Variants in HPGD observed in about 807,000 individuals in gnomAD.
The protein encoded by HPGD is 15-hydroxyprostaglandin dehydrogenase [NAD(+)].
HPGD carries 29 observed loss-of-function variants against 30.0 expected under a neutral mutation model. The observed-to-expected ratio is 0.97, with a 90% CI of 0.72 to 1.32. The LOEUF (loss-of-function observed/expected upper bound fraction) is 1.32. Ranked by LOEUF, HPGD falls within the 40% of genes most tolerant of loss-of-function variation. The pLI, the probability that HPGD is intolerant of heterozygous loss-of-function variation, is 0.00. For missense variants in HPGD, 340 were observed against 322.1 expected (o/e 1.06, Z -0.43); for synonymous variants, 99 against 112.4 (o/e 0.88, Z 0.75).
At chr4:174,522,557 C>G (rs1005244591), upstream of HPGD, 117 of 746,460 alleles carry the variant, frequency 1.6e-4, no homozygotes, top group East Asian at 3.5e-3. Flanking sequence ...GCGGGGCGCT[C>G]CCCTGCCAGT....
intron 2 of HPGD, among the ~76,000 whole-genome samples, chr4:174,518,342 C>T (rs935566671): frequency 6.6e-6 from 1 of 152,128 alleles, no homozygotes; most frequent in Non-Finnish European, 1.5e-5. Context: ...CATATTCTTA[C>T]ATGATTTGTA....
intron 3 of HPGD, among the ~76,000 whole-genome samples, chr4:174,511,024 C>T (rs550910713): frequency 6.6e-6 from 1 of 152,256 alleles, no homozygotes; most frequent in Non-Finnish European, 1.5e-5. Context: ...TGGATATTCA[C>T]ATAAACTATG....
Position 174,521,984 on chromosome 4 carries a change from C to G in HPGD, c.177G>C (p.Leu59=). 6.2e-7 allele frequency: 1 copy of G among 1,614,128 alleles called. No individual in the cohort carries two copies. Among genetic ancestry groups the G allele is most frequent in the Non-Finnish European group, 8.5e-7 (1 of 1,179,972 alleles). Reference sequence around the variant, plus strand: ...GGTCAGCCACATCGCACTGGATGAACAGAGTCTTCTGAGGTTCAAACTGCT... The same window carrying G: ...GGTCAGCCACATCGCACTGGATGAAGAGAGTCTTCTGAGGTTCAAACTGCT... ...LDEQFEPQKT[L]FIQCDVADQQ... The change falls in exon 2 of 7, where the codon CTG becomes CTC. Residue 59 remains leucine, a synonymous_variant. Transcript: ENST00000296522.
chr4:174,502,776 AG>A (rs1296874558), intron 4 of HPGD, among the ~76,000 whole-genome samples: 3 of 151,784 alleles, frequency 2.0e-5, no homozygotes, highest in Non-Finnish European at 4.4e-5. Flanking sequence ...AGCAATTTCT[AG>A]TGACTCAGAC....
At chr4:174,522,205 G>C in intron 1 of HPGD, 138 bp from the exon 2 acceptor site, 1 of 1,444,178 alleles carries the variant, frequency 6.9e-7, no homozygotes, top group South Asian at 1.2e-5. Context: ...CACTTCTGAG[G>C]TGTGCTCACA....
chr4:174,512,691 AAGTAAT>A (rs1735569121), intron 3 of HPGD, among the ~76,000 whole-genome samples: 2 of 152,212 alleles, frequency 1.3e-5, no homozygotes, highest in African/African-American at 4.8e-5. Context: ...ACATATTTTT[AAGTAAT>A]ACATTGGTAA....
Position 174,492,051 on chromosome 4 carries a change from C to T in HPGD, c.706G>A (p.Asp236Asn). Residue 236 changes from aspartate (D) to asparagine (N), a missense_variant, in exon 7 of 7, where the codon GAT becomes AAT. Coordinates refer to ENST00000296522, the MANE Select transcript of HPGD (RefSeq NM_000860.6). This position sits in a 1 kb window ranked among gnomAD's most constrained non-coding sequence, Gnocchi z 4.9. ...TTCATAATAGCACCATTTAAAGCAT[C>T]ATCTTCAATGAGTGTTATCAATCCA... ...ANGLITLIEDDALNGAIMKIT... is the reference protein window; with the variant it reads ...ANGLITLIEDNALNGAIMKIT... 2.5e-6 allele frequency: 4 copies of T among 1,609,470 alleles called. No homozygotes were observed. The highest frequency in any genetic ancestry group is 3.4e-6 in the Non-Finnish European group (4 of 1,176,192).
intron 3 of HPGD, among the ~76,000 whole-genome samples, chr4:174,510,759 T>A (rs1735445417): frequency 6.6e-6 from 1 of 152,202 alleles, no homozygotes; most frequent in Non-Finnish European, 1.5e-5. Flanking sequence ...TTTTCACTTT[T>A]CCTCCTTTAC....
chr4:174,503,771 G>A (rs1250098429), intron 4 of HPGD, among the ~76,000 whole-genome samples: 1 of 151,052 alleles, frequency 6.6e-6, no homozygotes, highest in African/African-American at 2.4e-5. Flanking sequence ...TGCCCAGGCT[G>A]GAGTGCAGTA....
intron 3 of HPGD, among the ~76,000 whole-genome samples, chr4:174,513,942 A>G (rs1735643247): frequency 6.6e-6 from 1 of 152,090 alleles, no homozygotes; most frequent in East Asian, 1.9e-4. Context: ...CAGAATTACT[A>G]AAAGAGGTAG....
At chr4:174,508,936 T>C in intron 3 of HPGD, 144 bp from the exon 4 acceptor site, 1 of 669,458 alleles carries the variant, frequency 1.5e-6, no homozygotes, top group Non-Finnish European at 2.7e-6. Context: ...AGAGCTTTGT[T>C]TTTAAAGTTA....
chr4:174,513,782 T>C (rs1018434522), intron 3 of HPGD, among the ~76,000 whole-genome samples: 2 of 151,978 alleles, frequency 1.3e-5, no homozygotes, highest in Admixed American at 6.5e-5. Context: ...GTACTAATTT[T>C]ATATCTGAAA....
chr4:174,518,106 C>A, intron 2 of HPGD, 29 bp from the exon 3 acceptor site: 1 of 1,064,368 alleles, frequency 9.4e-7, no homozygotes, highest in Non-Finnish European at 1.5e-6. Context: ...ATTAGTGATA[C>A]ATTCTTATTT....
intron 4 of HPGD, chr4:174,507,872 G>A: frequency 2.1e-6 from 1 of 468,756 alleles, no homozygotes; most frequent in Non-Finnish European, 3.9e-6. Flanking sequence ...GCATGCTGTG[G>A]AAAAGATGAT....
intron 4 of HPGD, among the ~76,000 whole-genome samples, chr4:174,497,064 T>C (rs748244799): frequency 2.6e-5 from 4 of 152,198 alleles, no homozygotes; most frequent in Non-Finnish European, 5.9e-5. Context: ...AATAAAAAAG[T>C]ATAACCAGGA....
At chr4:174,520,034 A>AT (rs970870620) in intron 2 of HPGD, among the ~76,000 whole-genome samples, 11 of 149,980 alleles carry the variant, frequency 7.3e-5, no homozygotes, top group South Asian at 2.1e-4. Context: ...GTCCCCCAGT[A>AT]TTTTTTTTTT....
At chr4:174,504,551 T>C (rs1735080724) in intron 4 of HPGD, among the ~76,000 whole-genome samples, 1 of 151,874 alleles carries the variant, frequency 6.6e-6, no homozygotes, top group Non-Finnish European at 1.5e-5. Flanking sequence ...ACTGCGCCTG[T>C]AATCCCAGCA....
intron 3 of HPGD, among the ~76,000 whole-genome samples, chr4:174,512,591 T>G (rs1735564963): frequency 6.6e-6 from 1 of 152,160 alleles, no homozygotes. Context: ...ACACAAATAT[T>G]TGCATTACAG....
chr4:174,498,564 TA>T (rs1734754795), intron 4 of HPGD, among the ~76,000 whole-genome samples: 1 of 152,214 alleles, frequency 6.6e-6, no homozygotes. Flanking sequence ...TTGCATTTTC[TA>T]AAATTTATAT....
Sources: allele counts gnomAD v4.1 joint callset (sites outside exome capture counted in the v4.1 genomes callset), GRCh38; gene constraint gnomAD v4.1.1; non-coding constraint Gnocchi (gnomAD v3.1); transcripts MANE v1.5; gene names NCBI Gene and HGNC (gene_info 2026-07-23, HGNC 2026-07-21).